Variants in PCDHGB4 observed in about 807,000 individuals in gnomAD.
PCDHGB4 encodes the protein protocadherin gamma subfamily B, 4, also known as protocadherin gamma-B4.
A neutral mutation model predicts 60.5 loss-of-function variants in PCDHGB4; 38 were observed. The ratio of observed to expected loss-of-function variants is 0.63; its 90% confidence interval spans 0.48 to 0.82. PCDHGB4 has a LOEUF of 0.82. PCDHGB4 is among the 40% of genes least tolerant of loss of function. The probability of loss-of-function intolerance (pLI) is 0.00; values close to 1 mark genes in which losing one functional copy is unlikely to be tolerated. For missense variants in PCDHGB4, 1,109 were observed against 1,209.6 expected (o/e 0.92, Z 1.23); for synonymous variants, 456 against 509.7 (o/e 0.89, Z 1.42).
rs374140638 is a variant in PCDHGB4 at position 141,487,759 on chromosome 5, C to T, written c.2398-7048C>T. ...TTGTAAGAGGTAACTATGTGGTAGA[C>T]GCTGTGCTTTGTAACTGTTTCGTGA... On this transcript the variant is annotated intron_variant, in intron 1 of 3. Transcript: ENST00000519479. The surrounding 1 kb of genome is among the most constrained non-coding windows in gnomAD (Gnocchi z 5.0). 45 of 1,546,278 alleles carry T rather than the reference C, an allele frequency of 2.9e-5. No individual in the cohort carries two copies. The highest frequency in any genetic ancestry group is 1.1e-4 in the African/African-American group (8 of 73,160).
chr5:141,405,032 G>T lies in PCDHGB4; in HGVS notation c.2397+14751G>T, dbSNP rs747720731. On this transcript the variant is annotated intron_variant, in intron 1 of 3. Coordinates refer to ENST00000519479, the MANE Select transcript of PCDHGB4 (RefSeq NM_003736.4). Reference sequence around the variant, plus strand: ...GGCCTCAGACCTTACCCTCTACCTCGTTGTGGCTGTGGCAGTCGTCTCCTG... The same window carrying T: ...GGCCTCAGACCTTACCCTCTACCTCTTTGTGGCTGTGGCAGTCGTCTCCTG... The T allele has an allele frequency of 1.9e-6, 3 of 1,613,806 alleles. No homozygotes were observed. Among genetic ancestry groups the T allele is most frequent in the Admixed American group, 3.3e-5 (2 of 59,992 alleles).
intron 1 of PCDHGB4, chr5:141,416,850 T>C (rs2096064812): frequency 6.6e-6 from 1 of 151,902 alleles, no homozygotes; most frequent in South Asian, 2.1e-4. Flanking sequence ...AATTCCATGA[T>C]TTTTTTCAGG....
At chr5:141,398,255 A>T (rs1244403375) in intron 1 of PCDHGB4, 1 of 1,457,928 alleles carries the variant, frequency 6.9e-7, no homozygotes, top group African/African-American at 1.4e-5. Context: ...GAAATGCCCA[A>T]GGGCTCCGTA....
rs567174433 is a variant in PCDHGB4, at chr5:141,443,351, G to A, written c.2398-51456G>A. On this transcript the variant is annotated intron_variant, in intron 1 of 3. Coordinates refer to ENST00000519479, the MANE Select transcript of PCDHGB4 (RefSeq NM_003736.4). ...AAAACAAAAATTAACAAGGTTTAGT[G>A]GTCCATGCCTGTGGTCTCAGCTACT... 6.6e-5 allele frequency among the ~76,000 whole-genome samples: 10 copies of A among 152,072 alleles called. No homozygotes were observed. The South Asian group carries it at 2.1e-3, about 32-fold the overall frequency.
In PCDHGB4 at chr5:141,389,355, G is replaced by C; in HGVS notation, c.1471G>C (p.Ala491Pro). The change falls in exon 1 of 4, where the codon GCC (alanine) becomes CCC (proline). Residue 491 changes from alanine (A) to proline (P), a missense_variant. Ala to Pro is a conservative substitution (Grantham distance 27). Around this residue, in one of 2 missense-constraint regions of PCDHGB4, gnomAD observed 1,068 missense variants for 1,089.9 expected, o/e 0.98. Transcript: ENST00000519479. The part of the protein sequence containing the change: ...PNGQVSYCIM[A>P]SDLEQRELSS... ...CGGCCAAGTCTCTTACTGCATCATG[G>C]CCAGTGACCTGGAGCAGCGGGAGCT... The C allele has an allele frequency of 1.2e-6, 2 of 1,613,950 alleles. No homozygotes were observed. The highest frequency in any genetic ancestry group is 1.7e-6 in the Non-Finnish European group (2 of 1,179,910).
At chr5:141,413,806 A>G (rs775797735) in intron 1 of PCDHGB4, 1 of 1,613,168 alleles carries the variant, frequency 6.2e-7, no homozygotes, top group Non-Finnish European at 8.5e-7. Context: ...GGAAGAGGCC[A>G]TTCACCACCT....
Position 141,495,011 on chromosome 5 carries a change from G to A in PCDHGB4, c.2456+146G>A, listed in dbSNP as rs2099758277. On this transcript the variant is annotated intron_variant, in intron 2 of 3. Coordinates refer to ENST00000519479, the MANE Select transcript of PCDHGB4 (RefSeq NM_003736.4). ...CCAGGGAGGTCTTGGTGTGCGGGGG[G>A]CTGGCACACAGACCCCGGAAGGAAG... is the stretch of plus-strand genomic sequence containing the variant. 4.6e-6 allele frequency: 7 copies of A among 1,512,044 alleles called. No individual in the cohort carries two copies. In the East Asian group the frequency reaches 1.5e-4, roughly 32 times the overall value. 93.7% of individuals were successfully genotyped at this position (1,512,044 alleles called of 1,614,324 possible).
intron 1 of PCDHGB4, among the ~76,000 whole-genome samples, chr5:141,435,462 T>G (rs1206913100): frequency 6.6e-6 from 1 of 152,230 alleles, no homozygotes; most frequent in Non-Finnish European, 1.5e-5. Flanking sequence ...TGTATGTGTT[T>G]CCAAGTTAGA....
At chr5:141,449,588 CA>C (rs768743917) in intron 1 of PCDHGB4, among the ~76,000 whole-genome samples, 1,277 of 57,494 alleles carry the variant, frequency 0.022, 7 homozygotes, top group Middle Eastern at 0.041. Flanking sequence ...GACTCTGTCT[CA>C]AAAAAAAAAA....
intron 1 of PCDHGB4, chr5:141,393,310 C>A (rs775937552): frequency 1.2e-6 from 2 of 1,613,388 alleles, no homozygotes; most frequent in African/African-American, 2.7e-5. Flanking sequence ...GGCGTGAACT[C>A]CCTCCAGAGC....
rs753664223 is a variant in PCDHGB4 at position 141,410,518 on chromosome 5, C to G, written c.2397+20237C>G. 5.0e-6 allele frequency: 8 copies of G among 1,613,820 alleles called. No homozygotes were observed. In the East Asian group the frequency reaches 1.8e-4, roughly 36 times the overall value. On this transcript the variant is annotated intron_variant, in intron 1 of 3. Coordinates refer to ENST00000519479, the MANE Select transcript of PCDHGB4 (RefSeq NM_003736.4). ...TTAATTTCCTAAAATGCAGTGTGCC[C>G]CTACATTCCAATGAAGACATGGTTT...
chr5:141,423,809 G>C, intron 1 of PCDHGB4: 1 of 1,260,030 alleles, frequency 7.9e-7, no homozygotes, highest in Non-Finnish European at 1.0e-6. Context: ...ATACATGTGA[G>C]TTTTACTTTG....
intron 1 of PCDHGB4, chr5:141,421,399 C>T (rs777999539): frequency 1.2e-6 from 2 of 1,613,928 alleles, no homozygotes; most frequent in East Asian, 2.2e-5. Flanking sequence ...GCTGGAGCCC[C>T]GGGAGCTGGC....
In PCDHGB4 at chr5:141,489,375, G is replaced by A. The variant is rs768190252; in HGVS notation, c.2398-5432G>A. The A allele has an allele frequency of 1.2e-5, 19 of 1,613,826 alleles. No individual in the cohort carries two copies. The Admixed American group carries it at 3.2e-4, about 27-fold the overall frequency. ...AGGAGTCTGAGCCGGGGACGCTGGT[G>A]GGGAATGTTGCTCAGGATCTGGGCT... On this transcript the variant is annotated intron_variant, in intron 1 of 3. Transcript: ENST00000519479. The surrounding 1 kb of genome is among the most constrained non-coding windows in gnomAD (Gnocchi z 4.5).
intron 1 of PCDHGB4, among the ~76,000 whole-genome samples, chr5:141,471,145 G>T (rs569617031): frequency 3.4e-4 from 50 of 148,740 alleles, no homozygotes; most frequent in Non-Finnish European, 5.4e-4. Flanking sequence ...TGCCTCCTGG[G>T]TTCAAGTGAT....
intron 1 of PCDHGB4, chr5:141,403,713 A>G (rs2094445702): frequency 2.5e-6 from 4 of 1,613,946 alleles, no homozygotes; most frequent in Non-Finnish European, 2.5e-6. Flanking sequence ...GTCCTTGAGA[A>G]CGTGCCCCCA....
In PCDHGB4 at chr5:141,485,340, C is replaced by T. The variant is rs139641513; in HGVS notation, c.2398-9467C>T. ...GTCGCTCAAGATTTCCTGCTGGATA[C>T]GGACAGTCTGTCAGCTCGCAGGCTG... is the stretch of plus-strand genomic sequence containing the variant. On this transcript the variant is annotated intron_variant, in intron 1 of 3. Coordinates refer to ENST00000519479, the MANE Select transcript of PCDHGB4 (RefSeq NM_003736.4). This position sits in a 1 kb window ranked among gnomAD's most constrained non-coding sequence, Gnocchi z 5.7. 1.2e-6 allele frequency: 2 copies of T among 1,613,958 alleles called. No individual in the cohort carries two copies. Among genetic ancestry groups the T allele is most frequent in the East Asian group, 2.2e-5 (1 of 44,884 alleles).
intron 1 of PCDHGB4, chr5:141,405,358 A>G (rs567878422): frequency 6.2e-7 from 1 of 1,613,900 alleles, no homozygotes; most frequent in East Asian, 2.2e-5. Context: ...TTCCTATAGA[A>G]GACACCCCTT....
At chr5:141,393,972 C>G in intron 1 of PCDHGB4, 1 of 1,613,790 alleles carries the variant, frequency 6.2e-7, no homozygotes, top group South Asian at 1.1e-5. Flanking sequence ...CTGTTACACA[C>G]GTGATAATTT....
Sources: gnomAD v4.1 joint callset for allele counts (sites outside exome capture counted in the v4.1 genomes callset) on GRCh38, gnomAD v4.1.1 for gene constraint, gnomAD v4.1.1 regional missense constraint, Gnocchi (gnomAD v3.1) non-coding constraint, MANE v1.5 for transcripts, NCBI Gene and HGNC (gene_info 2026-07-23, HGNC 2026-07-21) for gene names.